MACROD2: variants seen among roughly 807,000 people sequenced by gnomAD.
MACROD2 encodes the protein mono-ADP ribosylhydrolase 2.
Under a neutral mutation model 70.4 loss-of-function variants are expected in MACROD2, and 36 were observed. The observed-to-expected ratio is 0.51, with a 90% CI of 0.39 to 0.68. The LOEUF is 0.68. Among genes scored for constraint, MACROD2 ranks in the 30% least tolerant of loss-of-function variants. The pLI, the probability that MACROD2 is intolerant of heterozygous loss-of-function variation, is 0.00. For missense variants in MACROD2, 496 were observed against 538.4 expected (o/e 0.92, Z 0.78); for synonymous variants, 172 against 178.8 (o/e 0.96, Z 0.30).
chr20:14,968,422 C>T (rs2064825821), intron 5 of MACROD2, among the ~76,000 whole-genome samples: 1 of 152,088 alleles, frequency 6.6e-6, no homozygotes, highest in South Asian at 2.1e-4. Flanking sequence ...TTAGCATCAT[C>T]TGGGGAGACT....
chr20:15,726,357 A>G (rs750777522), intron 8 of MACROD2, among the ~76,000 whole-genome samples: 9 of 152,064 alleles, frequency 5.9e-5, no homozygotes, highest in East Asian at 1.9e-4. Context: ...TTAAGGTTTC[A>G]TGTCTTTCTT....
intron 5 of MACROD2, among the ~76,000 whole-genome samples, chr20:15,024,812 T>G (rs2075217081): frequency 6.6e-6 from 1 of 152,134 alleles, no homozygotes; most frequent in Non-Finnish European, 1.5e-5. Flanking sequence ...AGATTTAGTG[T>G]TGTAGGTATT....
intron 6 of MACROD2, among the ~76,000 whole-genome samples, chr20:15,372,546 A>C (rs958770203): frequency 1.8e-4 from 28 of 151,980 alleles, no homozygotes; most frequent in African/African-American, 6.8e-4. Context: ...TTTTTTCCCT[A>C]GTAGGTTAAC....
chr20:14,397,282 T>A (rs1429635279), intron 3 of MACROD2, among the ~76,000 whole-genome samples: 1 of 152,170 alleles, frequency 6.6e-6, no homozygotes, highest in Non-Finnish European at 1.5e-5. Flanking sequence ...CATGAGCCAC[T>A]GTGCCTGGCT....
intron 5 of MACROD2, chr20:15,196,804 C>A: frequency 1.1e-6 from 1 of 936,200 alleles, no homozygotes; most frequent in Non-Finnish European, 1.3e-6. Flanking sequence ...TAATATTTCT[C>A]TACCCCTCCC....
intron 3 of MACROD2, among the ~76,000 whole-genome samples, chr20:14,331,589 G>C (rs551929117): frequency 2.6e-5 from 4 of 152,186 alleles, no homozygotes; most frequent in African/African-American, 4.8e-5. Flanking sequence ...TGAAGATTAC[G>C]TTCAGAGCTA....
At chr20:15,074,813 A>G (rs1349080326) in intron 5 of MACROD2, among the ~76,000 whole-genome samples, 2 of 152,162 alleles carry the variant, frequency 1.3e-5, no homozygotes, top group East Asian at 1.9e-4. Context: ...GAAAACACAC[A>G]CTTCAGTTTT....
At chr20:14,123,284 A>G (rs1351693433) in intron 3 of MACROD2, among the ~76,000 whole-genome samples, 1 of 152,188 alleles carries the variant, frequency 6.6e-6, no homozygotes, top group Non-Finnish European at 1.5e-5. Context: ...TAAATCATAT[A>G]GGACCTTTAG....
intron 5 of MACROD2, among the ~76,000 whole-genome samples, chr20:14,920,482 A>C (rs1043314100): frequency 6.6e-6 from 1 of 152,098 alleles, no homozygotes; most frequent in Admixed American, 6.6e-5. Context: ...GTTTATTTTA[A>C]TTTCGTTAAA....
intron 4 of MACROD2, among the ~76,000 whole-genome samples, chr20:14,595,873 A>G (rs953371612): frequency 1.3e-5 from 2 of 152,176 alleles, no homozygotes. Flanking sequence ...TATACAAAAC[A>G]TATATATTAT....
chr20:14,477,814 C>T (rs1038730069), intron 3 of MACROD2, among the ~76,000 whole-genome samples: 4 of 151,912 alleles, frequency 2.6e-5, no homozygotes, highest in South Asian at 2.1e-4. Context: ...TCAAACTAGC[C>T]GAATGCTGTA....
At chr20:15,951,428 T>G (rs2065904667) in intron 12 of MACROD2, among the ~76,000 whole-genome samples, 1 of 151,638 alleles carries the variant, frequency 6.6e-6, no homozygotes, top group African/African-American at 2.4e-5. Context: ...AAAGGAATAA[T>G]TGGCTGGCTA....
intron 5 of MACROD2, among the ~76,000 whole-genome samples, chr20:15,043,982 A>C (rs2075374202): frequency 6.6e-6 from 1 of 152,222 alleles, no homozygotes; most frequent in African/African-American, 2.4e-5. Context: ...GCATGTGCTC[A>C]GCACCCCTGA....
chr20:15,894,496 A>G (rs1329402350), intron 10 of MACROD2, among the ~76,000 whole-genome samples: 3 of 152,168 alleles, frequency 2.0e-5, no homozygotes, highest in Non-Finnish European at 2.9e-5. Context: ...CAGACCAGGA[A>G]CACGCCTTCT....
intron 3 of MACROD2, among the ~76,000 whole-genome samples, chr20:14,231,839 G>C (rs6079364): frequency 6.6e-6 from 1 of 151,854 alleles, no homozygotes; most frequent in African/African-American, 2.4e-5. Context: ...ATTCTAACTG[G>C]TGTGAGATGG....
At chr20:15,750,824 C>A (rs1281759426) in intron 8 of MACROD2, among the ~76,000 whole-genome samples, 2 of 151,684 alleles carry the variant, frequency 1.3e-5, no homozygotes, top group Non-Finnish European at 2.9e-5. Flanking sequence ...TTTGGGACAA[C>A]ATGGATGGAT....
chr20:15,183,096 C>T (rs749751555), intron 5 of MACROD2, among the ~76,000 whole-genome samples: 5 of 152,114 alleles, frequency 3.3e-5, no homozygotes, highest in Non-Finnish European at 7.4e-5. Flanking sequence ...TTTATTAGCC[C>T]ACATGGAATG....
At chr20:15,693,363 A>G (rs902049531) in intron 8 of MACROD2, among the ~76,000 whole-genome samples, 3 of 152,110 alleles carry the variant, frequency 2.0e-5, no homozygotes, top group Admixed American at 6.5e-5. Context: ...CTTGTATCCT[A>G]TTAGGTATGT....
chr20:14,748,963 C>T (rs909056312), intron 5 of MACROD2, among the ~76,000 whole-genome samples: 1 of 152,038 alleles, frequency 6.6e-6, no homozygotes, highest in Non-Finnish European at 1.5e-5. Flanking sequence ...TGATTTCAGC[C>T]ACCCACCCAA....
Sources: allele counts gnomAD v4.1 joint callset (sites outside exome capture counted in the v4.1 genomes callset), GRCh38; gene constraint gnomAD v4.1.1; transcripts MANE v1.5; gene names NCBI Gene and HGNC (gene_info 2026-07-23, HGNC 2026-07-21).